Variants in RSPH14 observed in about 807,000 individuals in gnomAD.
The protein encoded by RSPH14 is rhabdoid tumor deletion region gene 1.
Under a neutral mutation model 26.7 loss-of-function variants are expected in RSPH14, and 20 were observed. The ratio of observed to expected loss-of-function variants is 0.75; its 90% confidence interval spans 0.53 to 1.09. RSPH14 has a LOEUF of 1.09. Among genes scored for constraint, RSPH14 ranks in the 50% least tolerant of loss-of-function variants. RSPH14 has a pLI of 0.00. For synonymous variants in RSPH14, 177 were observed against 189.3 expected, an observed-to-expected ratio of 0.93 and a Z score of 0.53; for missense variants, 449 against 457.2, an observed-to-expected ratio of 0.98 and a Z score of 0.16.
At chr22:23,145,141 AC>A, upstream of RSPH14, 1 of 586,672 alleles carries the variant, frequency 1.7e-6, no homozygotes, top group Non-Finnish European at 3.0e-6. Context: ...TTATGCCATA[AC>A]CGCCCAACCT....
intron 4 of RSPH14, among the ~76,000 whole-genome samples, chr22:23,097,592 G>A (rs1032832799): frequency 1.4e-4 from 21 of 152,254 alleles, no homozygotes; most frequent in Admixed American, 3.9e-4. Flanking sequence ...AGGTGTGTAC[G>A]CAGGCGGCTG....
At chr22:23,179,272 G>C in the RSPH14 span, among the ~76,000 whole-genome samples, 1 of 142,302 alleles carries the variant, frequency 7.0e-6, no homozygotes, top group East Asian at 2.2e-4. Flanking sequence ...AACTGAGGCA[G>C]AGAGGGAGAG....
At chr22:23,109,356 A>T (rs569721091) in intron 4 of RSPH14, among the ~76,000 whole-genome samples, 2 of 151,048 alleles carry the variant, frequency 1.3e-5, no homozygotes, top group Non-Finnish European at 3.0e-5. Flanking sequence ...CTCTGCCCCC[A>T]CCCTTTAGGA....
At chr22:23,123,239 G>A in intron 4 of RSPH14, 2 of 1,614,188 alleles carry the variant, frequency 1.2e-6, no homozygotes, top group Non-Finnish European at 1.7e-6. Flanking sequence ...CCGAGTACAA[G>A]GGCCAGAACA....
the RSPH14 span, among the ~76,000 whole-genome samples, chr22:23,172,191 A>AT: frequency 6.6e-6 from 1 of 152,034 alleles, no homozygotes; most frequent in Non-Finnish European, 1.5e-5. Flanking sequence ...ATTTCATTTC[A>AT]TTTTTTTCTT....
At chr22:23,090,948 G>A (rs2068954350) in intron 4 of RSPH14, among the ~76,000 whole-genome samples, 1 of 152,194 alleles carries the variant, frequency 6.6e-6, no homozygotes, top group Admixed American at 6.5e-5. Flanking sequence ...AAGTAAGTGT[G>A]GGATGCTGGA....
chr22:23,180,330 T>G, the RSPH14 span: 1 of 175,816 alleles, frequency 5.7e-6, no homozygotes, highest in East Asian at 1.2e-4. Context: ...AATTCGCTGT[T>G]GTTAGGGCCT....
At chr22:23,118,791 C>G (rs2069926490) in intron 4 of RSPH14, among the ~76,000 whole-genome samples, 1 of 152,236 alleles carries the variant, frequency 6.6e-6, no homozygotes, top group South Asian at 2.1e-4. Context: ...CCAGCTCTAC[C>G]CCAGTGGCCC....
chr22:23,128,444 T>C (rs1278392054), intron 4 of RSPH14, among the ~76,000 whole-genome samples: 3 of 152,186 alleles, frequency 2.0e-5, no homozygotes, highest in African/African-American at 7.2e-5. Context: ...CATCTGTCTC[T>C]ACAATCCTAT....
chr22:23,148,856 C>T (rs2070948155), upstream of RSPH14, among the ~76,000 whole-genome samples: 1 of 152,218 alleles, frequency 6.6e-6, no homozygotes, highest in South Asian at 2.1e-4. Context: ...AAGCAGCCAG[C>T]TTGTTCATGG....
chr22:23,091,626 A>G (rs937151318), intron 4 of RSPH14, among the ~76,000 whole-genome samples: 12 of 151,590 alleles, frequency 7.9e-5, no homozygotes, highest in African/African-American at 2.4e-4. Flanking sequence ...ATGCACCGCA[A>G]TGGACCTGCA....
chr22:23,130,873 G>A lies in RSPH14; in HGVS notation c.421+3153C>T, dbSNP rs5996469. On this transcript the variant is annotated intron_variant, in intron 4 of 6. Transcript: ENST00000216036. Reference sequence around the variant, plus strand: ...CATCCATCAGGCTGGGATATGCCCCGGGCTCTCTGGAGGCCAGAGGCTGGG... The same window carrying A: ...CATCCATCAGGCTGGGATATGCCCCAGGCTCTCTGGAGGCCAGAGGCTGGG... 4.9e-3 allele frequency among the ~76,000 whole-genome samples: 741 copies of A among 152,338 alleles called. 6 individuals carry two copies. The highest frequency in any genetic ancestry group is 0.017 in the African/African-American group (689 of 41,580).
At chr22:23,104,041 G>A (rs1569177844) in intron 4 of RSPH14, among the ~76,000 whole-genome samples, 1 of 152,232 alleles carries the variant, frequency 6.6e-6, no homozygotes, top group Non-Finnish European at 1.5e-5. Flanking sequence ...GAGCAGGCCT[G>A]CACAGATTGG....
At chr22:23,158,041 C>G in the RSPH14 span, 1 of 1,614,094 alleles carries the variant, frequency 6.2e-7, no homozygotes, top group African/African-American at 1.3e-5. Context: ...TGGAGCATAC[C>G]AGGTAAGTCT....
chr22:23,168,983 G>A, the RSPH14 span, among the ~76,000 whole-genome samples: 1 of 152,214 alleles, frequency 6.6e-6, no homozygotes, highest in African/African-American at 2.4e-5. Context: ...CCTGTCTTCG[G>A]GAACGAGCTC....
At chr22:23,130,083 GGAAGAAAGAAAGAA>G (rs2070290405) in intron 4 of RSPH14, among the ~76,000 whole-genome samples, 6 of 29,148 alleles carry the variant, frequency 2.1e-4, no homozygotes, top group African/African-American at 1.2e-3. Context: ...AAGAAAGAAA[GGAAGAAAGAAAGAA>G]AGAAAGAAAG....
chr22:23,145,848 G>C (rs2070740081), upstream of RSPH14: 1 of 434,876 alleles, frequency 2.3e-6, no homozygotes, highest in Admixed American at 6.4e-5. Flanking sequence ...AGGGGCTGTT[G>C]AGGAGGCTCG....
In RSPH14 at chr22:23,123,238, A is replaced by G. The variant is rs372407179; in HGVS notation, c.421+10788T>C. On this transcript the variant is annotated intron_variant, in intron 4 of 6. Coordinates refer to ENST00000216036, the MANE Select transcript of RSPH14 (RefSeq NM_014433.3). ...CTCACCATCTGCTTTCCCGAGTACAAGGGCCAGAACACGTACGAGGAGGCC... is the reference window on the plus strand; with the variant it reads ...CTCACCATCTGCTTTCCCGAGTACAGGGGCCAGAACACGTACGAGGAGGCC... The G allele has an allele frequency of 6.2e-6, 10 of 1,614,042 alleles. No individual in the cohort carries two copies. The African/African-American group carries it at 6.7e-5, about 11-fold the overall frequency.
At chr22:23,160,581 G>A in the RSPH14 span, among the ~76,000 whole-genome samples, 6 of 152,232 alleles carry the variant, frequency 3.9e-5, no homozygotes, top group Non-Finnish European at 8.8e-5. Flanking sequence ...GATTGGAAGA[G>A]TAGATGCTGG....
Sources: gnomAD v4.1 joint callset for allele counts (sites outside exome capture counted in the v4.1 genomes callset) on GRCh38, gnomAD v4.1.1 for gene constraint, MANE v1.5 for transcripts, NCBI Gene and HGNC (gene_info 2026-07-23, HGNC 2026-07-21) for gene names.